CCDC57: variants seen among roughly 807,000 people sequenced by gnomAD.
CCDC57 encodes the protein coiled-coil domain containing 57, also known as coiled-coil domain-containing protein 57.
A neutral mutation model predicts 118.9 loss-of-function variants in CCDC57; 118 were observed. That is an observed-to-expected ratio of 0.99 (90% CI 0.86 to 1.16). The LOEUF (loss-of-function observed/expected upper bound fraction) is 1.16. Among genes scored for constraint, CCDC57 ranks in the 50% most tolerant of loss-of-function variants. The pLI is 0.00. For synonymous variants in CCDC57, 527 were observed against 532.9 expected, an observed-to-expected ratio of 0.99 and a Z score of 0.15; for missense variants, 1,300 against 1,320.7, an observed-to-expected ratio of 0.98 and a Z score of 0.24.
At chr17:82,196,917 T>A (rs1192249025) in intron 4 of CCDC57, among the ~76,000 whole-genome samples, 4 of 89,174 alleles carry the variant, frequency 4.5e-5, no homozygotes, top group African/African-American at 1.8e-4. Context: ...CCCTCGTGAC[T>A]CCTGCACCTG....
intron 16 of CCDC57, among the ~76,000 whole-genome samples, chr17:82,139,479 T>C (rs7221031): frequency 0.47 from 71,102 of 151,996 alleles, 17,439 homozygotes; most frequent in East Asian, 0.88. Context: ...CCTCAGCCTT[T>C]CGAGTAGCTG....
intron 19 of CCDC57, among the ~76,000 whole-genome samples, chr17:82,121,948 G>A (rs889971657): frequency 2.0e-5 from 3 of 152,114 alleles, no homozygotes; most frequent in African/African-American, 7.2e-5. Context: ...TTCCCTCCCA[G>A]GCCACCCACA....
At position 82,171,858 on chromosome 17, in the gene CCDC57, C is replaced by T. The variant is rs80325204; in HGVS notation, c.1730-5G>A. Reference sequence around the variant, plus strand: ...CTTCAAGGGCCAGAACATAATCTGCCAAAAAAACCTCCAGTGAATATAACA... The same window carrying T: ...CTTCAAGGGCCAGAACATAATCTGCTAAAAAAACCTCCAGTGAATATAACA... On this transcript the variant is annotated splice_polypyrimidine_tract_variant and splice_region_variant and intron_variant, in intron 12 of 19. Transcript: ENST00000665763. 81 of 1,608,106 alleles carry T rather than the reference C, an allele frequency of 5.0e-5. No individual in the cohort carries two copies. Among genetic ancestry groups the T allele is most frequent in the Non-Finnish European group, 6.4e-5 (75 of 1,176,154 alleles).
Position 82,151,034 on chromosome 17 carries a change from GGCGCAC to G in CCDC57, c.2455+520_2455+525del, listed in dbSNP as rs1366294977. Among the ~76,000 whole-genome samples the G allele has an allele frequency of 3.1e-4, 28 of 91,582 alleles. 2 individuals carry two copies. In the East Asian group the frequency reaches 4.2e-3, roughly 14 times the overall value. 60.1% of individuals were successfully genotyped at this position (91,582 alleles called of 152,430 possible). A position where few individuals can be genotyped will look rare whatever the true frequency, so the allele number is the denominator to read the frequency against. ...AGAACCTGGCACACACCCAGAACCT[GGCGCAC>G]ACCCAGAACCTGACCCGCACCCAGA... On this transcript the variant is annotated intron_variant, in intron 16 of 19. Coordinates refer to ENST00000665763, the Ensembl canonical transcript of CCDC57.
At chr17:82,129,704 T>C (rs2038038540) in intron 17 of CCDC57, among the ~76,000 whole-genome samples, 1 of 152,174 alleles carries the variant, frequency 6.6e-6, no homozygotes, top group Admixed American at 6.5e-5. Context: ...CTTATTGATC[T>C]GTAGGAGTTC....
chr17:82,123,474 A>G (rs2037014104), intron 19 of CCDC57, among the ~76,000 whole-genome samples: 2 of 152,026 alleles, frequency 1.3e-5, no homozygotes, highest in African/African-American at 4.8e-5. Flanking sequence ...GTGAAATACA[A>G]CATGAGGGGT....
At chr17:82,200,994 G>C (rs1406304021) in intron 3 of CCDC57, among the ~76,000 whole-genome samples, 1 of 152,170 alleles carries the variant, frequency 6.6e-6, no homozygotes, top group Non-Finnish European at 1.5e-5. Flanking sequence ...GGATGGAAGA[G>C]CTTATCAGAG....
At chr17:82,125,760 AAGAGG>A (rs2037334426) in intron 19 of CCDC57, among the ~76,000 whole-genome samples, 1 of 152,210 alleles carries the variant, frequency 6.6e-6, no homozygotes, top group Non-Finnish European at 1.5e-5. Flanking sequence ...GAGAAGGATA[AAGAGG>A]AGATCCTACA....
intron 19 of CCDC57, among the ~76,000 whole-genome samples, chr17:82,117,568 G>T (rs1403105431): frequency 1.3e-5 from 2 of 152,112 alleles, no homozygotes; most frequent in Admixed American, 6.6e-5. Context: ...AGCCCGGGAG[G>T]TTGAGAAGCC....
intron 13 of CCDC57, among the ~76,000 whole-genome samples, chr17:82,170,521 A>AG: frequency 1.3e-5 from 2 of 151,324 alleles, no homozygotes; most frequent in East Asian, 3.9e-4. Context: ...AAAAAAAAAA[A>AG]AAAAGAGGAA....
intron 11 of CCDC57, among the ~76,000 whole-genome samples, chr17:82,174,291 T>G (rs949385434): frequency 2.6e-5 from 4 of 152,220 alleles, no homozygotes; most frequent in African/African-American, 9.6e-5. Context: ...CACGCTGCGC[T>G]CAGGGGTGGA....
chr17:82,138,438 G>T (rs2039557849), intron 16 of CCDC57, among the ~76,000 whole-genome samples: 1 of 151,926 alleles, frequency 6.6e-6, no homozygotes. Flanking sequence ...ATGAGCCACC[G>T]CACCTGGCTG....
chr17:82,207,088 T>C (rs982421288), intron 2 of CCDC57, among the ~76,000 whole-genome samples: 6 of 152,126 alleles, frequency 3.9e-5, no homozygotes, highest in African/African-American at 1.4e-4. Flanking sequence ...TGGCCCCGGT[T>C]GTCCCAGCAC....
chr17:82,115,729 C>T (rs1443171133), intron 19 of CCDC57, among the ~76,000 whole-genome samples: 2 of 150,944 alleles, frequency 1.3e-5, no homozygotes, highest in African/African-American at 4.9e-5. Flanking sequence ...GATCGCACCA[C>T]TGCACTCCAG....
Position 82,194,156 on chromosome 17 carries a change from T to G in CCDC57, c.619-17A>C, listed in dbSNP as rs749320271. On this transcript the variant is annotated splice_polypyrimidine_tract_variant and intron_variant, in intron 5 of 19. Coordinates refer to ENST00000665763, the Ensembl canonical transcript of CCDC57. ...TAGTTTAACCTTTGAATGATAAAAATGAGTTCAAAATGAGGTGATAATTAG... is the reference window on the plus strand; with the variant it reads ...TAGTTTAACCTTTGAATGATAAAAAGGAGTTCAAAATGAGGTGATAATTAG... The G allele has an allele frequency of 7.5e-5, 120 of 1,603,760 alleles. No individual in the cohort carries two copies. The highest frequency in any genetic ancestry group is 1.0e-4 in the Non-Finnish European group (117 of 1,172,312).
rs1172522625 is a variant in CCDC57, at chr17:82,118,262, C to A, written c.2899+9430G>T. 6.6e-6 allele frequency among the ~76,000 whole-genome samples: 1 copy of A among 151,858 alleles called. No homozygotes were observed. Among genetic ancestry groups the A allele is most frequent in the East Asian group, 1.9e-4 (1 of 5,184 alleles). On this transcript the variant is annotated intron_variant, in intron 19 of 19. Transcript: ENST00000665763. The surrounding 1 kb of genome is among the most constrained non-coding windows in gnomAD (Gnocchi z 4.7). The stretch of plus-strand genomic sequence containing the variant: ...GCAGTTGTGGCCTGGTGGGTAGGGA[C>A]TGGGAGGGAGTAAGAGAAGAGGGAG...
chr17:82,182,117 C>CA (rs372445370), intron 9 of CCDC57, among the ~76,000 whole-genome samples: 98 of 142,692 alleles, frequency 6.9e-4, no homozygotes, highest in South Asian at 4.4e-4. Context: ...GACTCCATCT[C>CA]AAAAAAAAAA....
At chr17:82,157,943 C>A in exon 15 of CCDC57, 1 of 1,553,688 alleles carries the variant, frequency 6.4e-7, no homozygotes, top group Non-Finnish European at 8.7e-7. Context: ...GGGGTTCCCG[C>A]AGCACCTAGG....
At chr17:82,124,524 G>A (rs1026925570) in intron 19 of CCDC57, among the ~76,000 whole-genome samples, 3 of 152,170 alleles carry the variant, frequency 2.0e-5, no homozygotes, top group Non-Finnish European at 4.4e-5. Flanking sequence ...CAGGCACGGT[G>A]GCTCATGCCC....
Sources: gnomAD v4.1 joint callset for allele counts (sites outside exome capture counted in the v4.1 genomes callset) on GRCh38, gnomAD v4.1.1 for gene constraint, Gnocchi (gnomAD v3.1) non-coding constraint, MANE v1.5 for transcripts, NCBI Gene and HGNC (gene_info 2026-07-23, HGNC 2026-07-21) for gene names.